DLGAP2: variants seen among roughly 807,000 people sequenced by gnomAD.
The protein encoded by DLGAP2 is disks large-associated protein 2.
In DLGAP2, 26 loss-of-function variants were observed where a neutral mutation model predicts 100.3. The observed-to-expected ratio is 0.26, with a 90% confidence interval of 0.19 to 0.36. DLGAP2 has a LOEUF of 0.36. DLGAP2 is among the 10% of genes least tolerant of loss of function. The pLI is 1.00. For missense variants in DLGAP2, 1,858 were observed against 1,453.2 expected (o/e 1.28, Z -4.53); for synonymous variants, 886 against 630.1 (o/e 1.41, Z -6.08).
intron 3 of DLGAP2, among the ~76,000 whole-genome samples, chr8:1,469,760 C>T (rs529220153): frequency 6.6e-6 from 1 of 152,252 alleles, no homozygotes; most frequent in African/African-American, 2.4e-5. Context: ...GAAATGGGCC[C>T]TCCTTGAAGT....
rs181781109 is a variant in DLGAP2 at position 1,674,791 on chromosome 8, T to C, written c.2203-1742T>C. 3.2e-3 allele frequency among the ~76,000 whole-genome samples: 487 copies of C among 152,342 alleles called. 4 individuals carry two copies. The highest frequency in any genetic ancestry group is 0.011 in the African/African-American group (470 of 41,584). The stretch of plus-strand genomic sequence containing the variant: ...AAACTAGAAATAACCAAATTTCCCC[T>C]GCACTGAAGGCTCATTAAATGCACT... On this transcript the variant is annotated intron_variant, in intron 10 of 14. Transcript: ENST00000637795.
intron 2 of DLGAP2, among the ~76,000 whole-genome samples, chr8:928,718 G>T (rs1798874369): frequency 6.6e-6 from 1 of 152,104 alleles, no homozygotes; most frequent in Non-Finnish European, 1.5e-5. Context: ...TCCACATGTG[G>T]AGGAAATAGG....
At chr8:1,248,254 G>A (rs1798954937) in intron 2 of DLGAP2, among the ~76,000 whole-genome samples, 1 of 3,520 alleles carries the variant, frequency 2.8e-4, no homozygotes, top group Admixed American at 1.9e-3. Context: ...GATCAGTGTG[G>A]GAGTGATGGT....
chr8:959,680 T>C (rs7007467), intron 2 of DLGAP2, among the ~76,000 whole-genome samples: 6,197 of 152,234 alleles, frequency 0.041, 389 homozygotes, highest in African/African-American at 0.14. Context: ...TGAGAGTTAA[T>C]TCATCATGGG....
intron 1 of DLGAP2, among the ~76,000 whole-genome samples, chr8:829,081 G>C (rs530419106): frequency 6.6e-6 from 1 of 152,058 alleles, no homozygotes; most frequent in Non-Finnish European, 1.5e-5. Flanking sequence ...GTCCAATTTG[G>C]TTTCATTGTT....
intron 3 of DLGAP2, among the ~76,000 whole-genome samples, chr8:1,426,312 C>T (rs556069543): frequency 2.6e-5 from 4 of 152,070 alleles, no homozygotes; most frequent in South Asian, 2.1e-4. Flanking sequence ...TGGGAAGGAC[C>T]GACTCCAGAC....
chr8:971,122 G>C (rs553209204), intron 2 of DLGAP2, among the ~76,000 whole-genome samples: 2 of 152,168 alleles, frequency 1.3e-5, no homozygotes, highest in East Asian at 3.9e-4. Flanking sequence ...ATCAAAATGA[G>C]TAATTTTTGT....
intron 3 of DLGAP2, among the ~76,000 whole-genome samples, chr8:1,346,895 G>A (rs1408971733): frequency 2.0e-5 from 3 of 151,784 alleles, no homozygotes; most frequent in Non-Finnish European, 4.4e-5. Context: ...TTGCACTCAC[G>A]GTAGCTGTGT....
chr8:1,165,439 A>C (rs1016087020), intron 2 of DLGAP2, among the ~76,000 whole-genome samples: 4 of 152,174 alleles, frequency 2.6e-5, no homozygotes, highest in African/African-American at 9.7e-5. Flanking sequence ...TTTTTCTCAA[A>C]GTGTGCATGT....
In DLGAP2 at chr8:1,678,642, G is replaced by A. The variant is rs561417704; in HGVS notation, c.2704+13G>A. 1.3e-6 allele frequency: 2 copies of A among 1,515,652 alleles called. No homozygotes were observed. Among genetic ancestry groups the A allele is most frequent in the South Asian group, 1.3e-5 (1 of 78,264 alleles). The allele number at this position is 1,515,652 out of a possible 1,614,324, so 93.9% of individuals were successfully genotyped here. ...CTCTCGGAGGAAAGTAAGAGCTCAG[G>A]CTTCCCTAGGGCCTCTTAAATATCA... On this transcript the variant is annotated intron_variant, in intron 12 of 14. Transcript: ENST00000637795.
rs150358858 is a variant in DLGAP2 at position 854,170 on chromosome 8, A to G, written c.19-53742A>G. ...TGATACCTTGTTCTAGCAGCCACAT[A>G]GACTAAGACCCTGTAGGAGGACTGC... On this transcript the variant is annotated intron_variant, in intron 1 of 14. Transcript: ENST00000637795. Among the ~76,000 whole-genome samples, 476 of 152,256 alleles carry G rather than the reference A, an allele frequency of 3.1e-3. 1 individual carries two copies. Among genetic ancestry groups the G allele is most frequent in the African/African-American group, 0.011 (457 of 41,548 alleles).
At chr8:1,275,667 T>C (rs1211892376) in intron 3 of DLGAP2, among the ~76,000 whole-genome samples, 1 of 146,502 alleles carries the variant, frequency 6.8e-6, no homozygotes, top group African/African-American at 2.5e-5. Context: ...TTCTGGAACT[T>C]TGTCCCTGTA....
intron 1 of DLGAP2, among the ~76,000 whole-genome samples, chr8:837,471 A>C (rs186012319): frequency 7.9e-5 from 12 of 152,320 alleles, no homozygotes; most frequent in African/African-American, 2.9e-4. Context: ...ATTATTTCTC[A>C]GAATCCTTCT....
chr8:1,182,377 C>G (rs1365363183), intron 2 of DLGAP2, among the ~76,000 whole-genome samples: 1 of 152,236 alleles, frequency 6.6e-6, no homozygotes, highest in African/African-American at 2.4e-5. Flanking sequence ...AGAGTTGGCC[C>G]TTGTGACCCC....
chr8:1,699,613 CA>C (rs897496901), intron 14 of DLGAP2, among the ~76,000 whole-genome samples: 62 of 142,036 alleles, frequency 4.4e-4, no homozygotes, highest in East Asian at 1.2e-3. Flanking sequence ...GACTCTGTCT[CA>C]AAAAAAAAAA....
chr8:1,172,904 C>G (rs187919832), intron 2 of DLGAP2, among the ~76,000 whole-genome samples: 127 of 152,302 alleles, frequency 8.3e-4, no homozygotes, highest in African/African-American at 3.0e-3. Flanking sequence ...CTCCGTCCAG[C>G]TTTGTTCGAT....
Position 1,669,743 on chromosome 8 carries a change from G to A in DLGAP2, c.2161G>A (p.Asp721Asn). The stretch of plus-strand genomic sequence containing the variant: ...ACTGTGGCTTCATTGTTTTGTTTAG[G>A]ATTCTGAATTCCCAGAGCATCAGCC... Reference protein sequence around the residue: ...KSRCSSIGIQDSEFPEHQPYP... With the variant: ...KSRCSSIGIQNSEFPEHQPYP... The change falls in exon 10 of 15, where the codon GAT (aspartate) becomes AAT (asparagine). Residue 721 changes from aspartate (D) to asparagine (N), a missense_variant and splice_region_variant. Asp to Asn is a conservative substitution (Grantham distance 23). Transcript: ENST00000637795. 2.6e-6 allele frequency: 2 copies of A among 780,924 alleles called. No individual in the cohort carries two copies. The highest frequency in any genetic ancestry group is 4.5e-4 in the Middle Eastern group (2 of 4,440). The allele number at this position is 780,924 out of a possible 1,614,324, so 48.4% of individuals were successfully genotyped here.
chr8:1,606,125 C>G (rs536923711), intron 6 of DLGAP2, among the ~76,000 whole-genome samples: 2 of 152,154 alleles, frequency 1.3e-5, no homozygotes, highest in Non-Finnish European at 2.9e-5. Context: ...AGAGAAAAGA[C>G]GAACTGAAGG....
intron 4 of DLGAP2, among the ~76,000 whole-genome samples, chr8:1,504,933 C>T (rs76684643): frequency 6.6e-6 from 1 of 151,902 alleles, no homozygotes; most frequent in Non-Finnish European, 1.5e-5. Context: ...TTCTAATGTA[C>T]CCCTAGGATT....
Sources: allele counts gnomAD v4.1 joint callset (sites outside exome capture counted in the v4.1 genomes callset), GRCh38; gene constraint gnomAD v4.1.1; transcripts MANE v1.5; gene names NCBI Gene and HGNC (gene_info 2026-07-23, HGNC 2026-07-21).